Variants in FMN2 observed in about 807,000 individuals in gnomAD.
FMN2 encodes formin-2.
A neutral mutation model predicts 142.3 loss-of-function variants in FMN2; 51 were observed. The observed-to-expected ratio is 0.36, with a 90% CI of 0.29 to 0.45. The LOEUF is 0.45. Among genes scored for constraint, FMN2 ranks in the 20% least tolerant of loss-of-function variants. The pLI, the probability that FMN2 is intolerant of heterozygous loss-of-function variation, is 1.00. For synonymous variants in FMN2, 882 were observed against 869.8 expected (o/e 1.01, Z -0.25); for missense variants, 1,936 against 2,122.8 (o/e 0.91, Z 1.73).
At chr1:240,200,242 G>C (rs1257764481) in intron 4 of FMN2, among the ~76,000 whole-genome samples, 1 of 152,162 alleles carries the variant, frequency 6.6e-6, no homozygotes, top group Non-Finnish European at 1.5e-5. Flanking sequence ...TGTGGGTCCT[G>C]AGAGTAGGGT....
intron 7 of FMN2, among the ~76,000 whole-genome samples, chr1:240,259,849 C>T (rs1338284054): frequency 6.6e-6 from 1 of 152,126 alleles, no homozygotes; most frequent in Non-Finnish European, 1.5e-5. Context: ...GTGCACACAT[C>T]ACCCAAGCAG....
At chr1:240,359,566 G>A (rs1010274055) in intron 14 of FMN2, among the ~76,000 whole-genome samples, 7 of 152,142 alleles carry the variant, frequency 4.6e-5, no homozygotes, top group Non-Finnish European at 8.8e-5. Flanking sequence ...ATCTAGCCCT[G>A]CAACCCATTC....
At chr1:240,233,166 A>T (rs1667585749) in intron 6 of FMN2, among the ~76,000 whole-genome samples, 1 of 152,156 alleles carries the variant, frequency 6.6e-6, no homozygotes, top group African/African-American at 2.4e-5. Context: ...GGATCACCTG[A>T]GCTCAGGAGT....
chr1:240,242,681 C>G (rs1389107275), intron 6 of FMN2, among the ~76,000 whole-genome samples: 1 of 152,140 alleles, frequency 6.6e-6, no homozygotes, highest in East Asian at 1.9e-4. Context: ...GTAACCTTAC[C>G]AAATTCCACA....
chr1:240,343,886 G>A (rs541057644), intron 13 of FMN2, among the ~76,000 whole-genome samples: 5 of 152,212 alleles, frequency 3.3e-5, no homozygotes, highest in South Asian at 2.1e-4. Flanking sequence ...TGATTGGGTC[G>A]GCGGGGAGTA....
rs768984803 is a variant in FMN2 at position 240,329,481 on chromosome 1, C to T, written c.4437+13C>T. Reference sequence around the variant, plus strand: ...GAAATTGTGTGAGGTGAGTTCTGGTCCAAAGAGAGCTGAACTTGAGTCTCA... The same window carrying T: ...GAAATTGTGTGAGGTGAGTTCTGGTTCAAAGAGAGCTGAACTTGAGTCTCA... On this transcript the variant is annotated intron_variant, in intron 10 of 17. Coordinates refer to ENST00000319653, the MANE Select transcript of FMN2 (RefSeq NM_020066.5). 1.4e-4 allele frequency: 226 copies of T among 1,609,834 alleles called. No homozygotes were observed. The highest frequency in any genetic ancestry group is 1.9e-4 in the Non-Finnish European group (223 of 1,178,856).
At chr1:240,220,629 C>G (rs1667069070) in intron 6 of FMN2, among the ~76,000 whole-genome samples, 1 of 151,632 alleles carries the variant, frequency 6.6e-6, no homozygotes, top group Non-Finnish European at 1.5e-5. Flanking sequence ...ACAGACCCAC[C>G]AAAACCAAGC....
intron 2 of FMN2, among the ~76,000 whole-genome samples, chr1:240,137,704 G>T (rs1379504901): frequency 6.6e-6 from 1 of 152,140 alleles, no homozygotes; most frequent in African/African-American, 2.4e-5. Flanking sequence ...AGTTGATAAA[G>T]GGTGATAGAA....
In FMN2 at chr1:240,420,082, A is replaced by G. The variant is rs761182485; in HGVS notation, c.4911-17979A>G. Among the ~76,000 whole-genome samples the G allele has an allele frequency of 5.3e-5, 8 of 152,086 alleles. No individual in the cohort carries two copies. In the South Asian group the frequency reaches 6.2e-4, roughly 12 times the overall value. On this transcript the variant is annotated intron_variant, in intron 15 of 17. Transcript: ENST00000319653. ...CTTGGACCCTATTATTTAGGATCCTATCATCCCAGTGGATTTTAATGAGCC... is the reference window on the plus strand; with the variant it reads ...CTTGGACCCTATTATTTAGGATCCTGTCATCCCAGTGGATTTTAATGAGCC...
At chr1:240,289,946 T>C (rs1365701206) in intron 7 of FMN2, among the ~76,000 whole-genome samples, 1 of 152,104 alleles carries the variant, frequency 6.6e-6, no homozygotes, top group African/African-American at 2.4e-5. Context: ...TAATTCAACA[T>C]TTGTAGTAAG....
intron 16 of FMN2, among the ~76,000 whole-genome samples, chr1:240,464,511 A>T (rs1676550363): frequency 6.6e-6 from 1 of 152,186 alleles, no homozygotes; most frequent in South Asian, 2.1e-4. Context: ...TGTTCATGGG[A>T]GGAATACATT....
At position 240,217,661 on chromosome 1, in the gene FMN2, AT is replaced by A. The variant is rs149514236; in HGVS notation, c.4065+6436del. Among the ~76,000 whole-genome samples the A allele has an allele frequency of 7.9e-3, 1,189 of 149,970 alleles. 7 individuals are homozygous for A. Among genetic ancestry groups the A allele is most frequent in the South Asian group, 0.027 (130 of 4,748 alleles). ...ATTTGTTTAAGATGTTGAAAGATTTATTTTTTTTTTGAAGATGCTATTCCTA... is the reference window on the plus strand; with the variant it reads ...ATTTGTTTAAGATGTTGAAAGATTTATTTTTTTTTGAAGATGCTATTCCTA... On this transcript the variant is annotated intron_variant, in intron 6 of 17. Coordinates refer to ENST00000319653, the MANE Select transcript of FMN2 (RefSeq NM_020066.5).
Position 240,208,530 on chromosome 1 carries a change from G to A in FMN2, c.3718G>A (p.Val1240Ile). Reference sequence around the variant, plus strand: ...AATCCCACCGCCCCCTCTGCTTCCTGTATCAGGCCCTCCACTCCTCCCACA... The same window carrying A: ...AATCCCACCGCCCCCTCTGCTTCCTATATCAGGCCCTCCACTCCTCCCACA... Reference protein sequence around the residue: ...TGIPPPPLLPVSGPPLLPQVG... With the variant: ...TGIPPPPLLPISGPPLLPQVG... Residue 1240 changes from valine to isoleucine, a missense_variant, in exon 5 of 18, where the codon GTA (valine) becomes ATA (isoleucine). Physicochemically the swap from Val to Ile is conservative, Grantham distance 29. Around this residue, in one of 8 missense-constraint regions of FMN2, gnomAD observed 259 missense variants for 230.9 expected, o/e 1.12. Transcript: ENST00000319653. 1 of 1,612,792 alleles carries A rather than the reference G, an allele frequency of 6.2e-7. No homozygotes were observed. Among genetic ancestry groups the A allele is most frequent in the South Asian group, 1.1e-5 (1 of 91,002 alleles).
At chr1:240,297,405 C>T (rs1670023414) in intron 8 of FMN2, among the ~76,000 whole-genome samples, 1 of 151,786 alleles carries the variant, frequency 6.6e-6, no homozygotes, top group Admixed American at 6.6e-5. Flanking sequence ...AACAGCCTGG[C>T]CAACATGGTG....
In FMN2 at chr1:240,348,820, C is replaced by T. The variant is rs1353568700; in HGVS notation, c.4766-6996C>T. Among the ~76,000 whole-genome samples, 4 of 152,208 alleles carry T rather than the reference C, an allele frequency of 2.6e-5. No homozygotes were observed. The East Asian group carries it at 7.7e-4, about 29-fold the overall frequency. On this transcript the variant is annotated intron_variant, in intron 13 of 17. Transcript: ENST00000319653. ...ACTTGTGAAAGGTAGTGAGGCCAGA[C>T]ATCAATGTTTTTACTGTTTCTATGT...
At chr1:240,121,245 T>C (rs911711814) in intron 1 of FMN2, among the ~76,000 whole-genome samples, 2 of 152,168 alleles carry the variant, frequency 1.3e-5, no homozygotes, top group African/African-American at 2.4e-5. Flanking sequence ...AGTAGAAAAC[T>C]GATGCCTGAG....
At chr1:240,170,729 T>A in intron 2 of FMN2, 1 of 1,516,808 alleles carries the variant, frequency 6.6e-7, no homozygotes, top group Non-Finnish European at 9.1e-7. Context: ...GTGAACACTG[T>A]CAAGGTGGGG....
At chr1:240,336,552 CCAAAAAAAAAAA>C (rs1671563559) in intron 13 of FMN2, among the ~76,000 whole-genome samples, 1 of 30,300 alleles carries the variant, frequency 3.3e-5, no homozygotes, top group African/African-American at 1.3e-4. Flanking sequence ...ATGGTATTCT[CCAAAAAAAAAAA>C]AAAAAAAAAA....
chr1:240,261,082 G>C (rs1668609767), intron 7 of FMN2, among the ~76,000 whole-genome samples: 1 of 152,080 alleles, frequency 6.6e-6, no homozygotes, highest in Non-Finnish European at 1.5e-5. Flanking sequence ...CTTTATTTCT[G>C]GGTTGTCTGT....
Sources: gnomAD v4.1 joint callset for allele counts (sites outside exome capture counted in the v4.1 genomes callset) on GRCh38, gnomAD v4.1.1 for gene constraint, gnomAD v4.1.1 regional missense constraint, MANE v1.5 for transcripts, NCBI Gene and HGNC (gene_info 2026-07-23, HGNC 2026-07-21) for gene names.